BNC2: variants seen among roughly 807,000 people sequenced by gnomAD.
The protein encoded by BNC2 is basonuclin zinc finger protein 2.
In BNC2, 20 loss-of-function variants were observed where a neutral mutation model predicts 76.3. The ratio of observed to expected loss-of-function variants is 0.26; its 90% confidence interval spans 0.18 to 0.38. BNC2 has a LOEUF of 0.38. BNC2 is among the 10% of genes least tolerant of loss of function. The pLI is 1.00. For synonymous variants in BNC2, 582 were observed against 514.8 expected, an observed-to-expected ratio of 1.13 and a Z score of -1.77; for missense variants, 1,382 against 1,399.8, an observed-to-expected ratio of 0.99 and a Z score of 0.20.
At chr9:16,530,513 G>A (rs115595814) in intron 5 of BNC2, among the ~76,000 whole-genome samples, 71 of 152,284 alleles carry the variant, frequency 4.7e-4, no homozygotes, top group African/African-American at 1.5e-3. Context: ...GTCTAGGAGA[G>A]AGGGCGATGA....
intron 3 of BNC2, among the ~76,000 whole-genome samples, chr9:16,664,825 A>G (rs76148089): frequency 0.068 from 10,306 of 151,940 alleles, 677 homozygotes; most frequent in African/African-American, 0.17. Context: ...AACTCTCAGA[A>G]TTCATGTCCA....
intron 3 of BNC2, among the ~76,000 whole-genome samples, chr9:16,584,639 C>G (rs909096300): frequency 6.6e-6 from 1 of 152,074 alleles, no homozygotes; most frequent in Non-Finnish European, 1.5e-5. Context: ...AGGTTGTAAA[C>G]TTTGTTGTAT....
chr9:16,779,145 G>GAAAAC (rs1554729037), intron 1 of BNC2, among the ~76,000 whole-genome samples: 1 of 131,144 alleles, frequency 7.6e-6, no homozygotes, highest in Non-Finnish European at 1.7e-5. Context: ...GAAAAGAAAA[G>GAAAAC]AAAAAAAAAC....
chr9:16,509,971 T>G (rs759903286), intron 5 of BNC2, among the ~76,000 whole-genome samples: 1 of 152,238 alleles, frequency 6.6e-6, no homozygotes, highest in Non-Finnish European at 1.5e-5. Flanking sequence ...CTAGGCTGTT[T>G]CCAGGTCTTA....
chr9:16,410,428 C>A lies in BNC2; in HGVS notation c.*8561G>T, dbSNP rs911741147. 2 of 152,680 alleles carry A rather than the reference C, an allele frequency of 1.3e-5. No homozygotes were observed. The highest frequency in any genetic ancestry group is 2.9e-5 in the Non-Finnish European group (2 of 68,084). 9.5% of individuals were successfully genotyped at this position (152,680 alleles called of 1,614,324 possible). On this transcript the variant is annotated 3_prime_UTR_variant, in exon 7 of 7. Coordinates refer to ENST00000380672, the MANE Select transcript of BNC2 (RefSeq NM_017637.6). ...TCTCGACCGTCCTCACCCCTCTGAC[C>A]TTCATGTACCCAGGTTTAGCTCTCC...
At chr9:16,634,502 CTTT>C (rs544660364) in intron 3 of BNC2, among the ~76,000 whole-genome samples, 1 of 135,966 alleles carries the variant, frequency 7.4e-6, no homozygotes, top group Non-Finnish European at 1.6e-5. Context: ...CTTCAAATAT[CTTT>C]TTTTTTTTTT....
At chr9:16,525,029 C>T (rs1223062051) in intron 5 of BNC2, among the ~76,000 whole-genome samples, 1 of 145,546 alleles carries the variant, frequency 6.9e-6, no homozygotes, top group East Asian at 2.0e-4. Context: ...GCTGTGATAG[C>T]GCCACTGCAC....
At chr9:16,799,138 A>G (rs1817725199) in intron 1 of BNC2, among the ~76,000 whole-genome samples, 1 of 152,022 alleles carries the variant, frequency 6.6e-6, no homozygotes, top group Non-Finnish European at 1.5e-5. Context: ...TTCCGATTCT[A>G]CAAGTAATAC....
chr9:16,808,465 G>A (rs941525311), intron 1 of BNC2, among the ~76,000 whole-genome samples: 2 of 135,204 alleles, frequency 1.5e-5, no homozygotes, highest in Non-Finnish European at 3.2e-5. Flanking sequence ...TCCTAGTTGT[G>A]TGATCTTGGG....
chr9:16,737,539 C>T (rs1381621698), intron 2 of BNC2, among the ~76,000 whole-genome samples: 10 of 117,336 alleles, frequency 8.5e-5, no homozygotes, highest in African/African-American at 1.3e-4. Context: ...CGTGAGCCAC[C>T]GTGCCTGGCT....
chr9:16,491,242 G>A (rs532266894), intron 5 of BNC2, among the ~76,000 whole-genome samples: 1 of 152,206 alleles, frequency 6.6e-6, no homozygotes, highest in East Asian at 1.9e-4. Context: ...TGGGATTTGT[G>A]AAAAAAGGAT....
chr9:16,682,708 C>T (rs2134314488), intron 3 of BNC2, among the ~76,000 whole-genome samples: 1 of 152,252 alleles, frequency 6.6e-6, no homozygotes, highest in Middle Eastern at 3.4e-3. Flanking sequence ...TAATCTAGTA[C>T]TGAAATATTG....
At chr9:16,806,406 G>A (rs1817913587) in intron 1 of BNC2, among the ~76,000 whole-genome samples, 2 of 151,758 alleles carry the variant, frequency 1.3e-5, no homozygotes, top group African/African-American at 4.8e-5. Flanking sequence ...AAAGAAGGAA[G>A]GAAATAATGC....
chr9:16,628,642 C>A (rs982114048), intron 3 of BNC2, among the ~76,000 whole-genome samples: 1 of 152,126 alleles, frequency 6.6e-6, no homozygotes, highest in African/African-American at 2.4e-5. Flanking sequence ...CAGAGCAATT[C>A]GCAGATTATC....
chr9:16,739,575 G>A (rs1232988050), intron 1 of BNC2, among the ~76,000 whole-genome samples: 2 of 152,230 alleles, frequency 1.3e-5, no homozygotes, highest in South Asian at 2.1e-4. Context: ...GGGAAGCTGA[G>A]GCAGAGGAAT....
At chr9:16,650,137 C>T (rs767927485) in intron 3 of BNC2, among the ~76,000 whole-genome samples, 31 of 152,092 alleles carry the variant, frequency 2.0e-4, no homozygotes, top group Non-Finnish European at 2.9e-4. Context: ...GCCCTGAATA[C>T]GGAATATTAA....
intron 1 of BNC2, among the ~76,000 whole-genome samples, chr9:16,822,768 C>T (rs539182691): frequency 1.3e-5 from 2 of 152,240 alleles, no homozygotes; most frequent in Non-Finnish European, 2.9e-5. Flanking sequence ...CTAGCTGAAA[C>T]TATTGTAGTT....
At chr9:16,664,596 T>C (rs1252808855) in intron 3 of BNC2, among the ~76,000 whole-genome samples, 1 of 151,870 alleles carries the variant, frequency 6.6e-6, no homozygotes, top group African/African-American at 2.4e-5. Flanking sequence ...ACTGCCTGTA[T>C]CCTAATCTGG....
chr9:16,751,698 A>ATATATGTGTGTGTGTGTG (rs1271866084), intron 1 of BNC2, among the ~76,000 whole-genome samples: 1 of 140,278 alleles, frequency 7.1e-6, no homozygotes, highest in South Asian at 2.3e-4. Context: ...GTGTGTATAT[A>ATATATGTGTGTGTGTGTG]TATATATATG....
Sources: allele counts gnomAD v4.1 joint callset (sites outside exome capture counted in the v4.1 genomes callset), GRCh38; gene constraint gnomAD v4.1.1; transcripts MANE v1.5; gene names NCBI Gene and HGNC (gene_info 2026-07-23, HGNC 2026-07-21).